The following DISP1 variants were observed in gnomAD, a reference collection of about 807,000 sequenced individuals.
DISP1 encodes dispatched RND transporter family member 1.
A neutral mutation model predicts 37.3 loss-of-function variants in DISP1; 30 were observed. The ratio of observed to expected loss-of-function variants is 0.80; its 90% CI spans 0.60 to 1.09. The LOEUF is 1.09. Among genes scored for constraint, DISP1 ranks in the 50% least tolerant of loss-of-function variants. DISP1 has a pLI of 0.00. For synonymous variants in DISP1, 634 were observed against 690.2 expected (o/e 0.92, Z 1.28); for missense variants, 1,598 against 1,879.5 (o/e 0.85, Z 2.77).
chr1:223,002,893 A>G lies in DISP1; in HGVS notation c.1496A>G (p.Tyr499Cys), dbSNP rs1679572602. ...ATCAAACACAGTTTGTTTCAGGATTATCTTCTAATGGATACTGTGTATCCT... is the reference window on the plus strand; with the variant it reads ...ATCAAACACAGTTTGTTTCAGGATTGTCTTCTAATGGATACTGTGTATCCT... The part of the protein sequence containing the change: ...FGIKHSLFQD[Y>C]LLMDTVYPAI... The change falls in exon 9 of 9, where the codon TAT (tyrosine) becomes TGT (cysteine). Residue 499 changes from tyrosine (Y) to cysteine (C), a missense_variant. Tyr to Cys is a radical substitution (Grantham distance 194). Coordinates refer to ENST00000675850, the MANE Select transcript of DISP1 (RefSeq NM_001377229.1). The G allele has an allele frequency of 1.9e-6, 3 of 1,613,866 alleles. No individual in the cohort carries two copies. The highest frequency in any genetic ancestry group is 1.7e-5 in the Admixed American group (1 of 60,006).
At chr1:222,822,955 C>G (rs773113133) in intron 1 of DISP1, among the ~76,000 whole-genome samples, 2 of 152,182 alleles carry the variant, frequency 1.3e-5, no homozygotes, top group African/African-American at 4.8e-5. Flanking sequence ...ATCTGCTTCT[C>G]TCGTAACTGT....
At chr1:222,972,882 C>G (rs1220643167) in intron 3 of DISP1, among the ~76,000 whole-genome samples, 4 of 151,994 alleles carry the variant, frequency 2.6e-5, no homozygotes, top group Non-Finnish European at 5.9e-5. Context: ...ACTGTGTAGT[C>G]TCTATTTCAA....
chr1:222,966,468 C>T (rs1676500501), intron 3 of DISP1, among the ~76,000 whole-genome samples: 1 of 152,082 alleles, frequency 6.6e-6, no homozygotes, highest in African/African-American at 2.4e-5. Flanking sequence ...ATCTAGGAGT[C>T]ACTCATTAAT....
At chr1:222,942,766 G>T in intron 2 of DISP1, 41 bp from the exon 3 acceptor site, 14 of 1,611,528 alleles carry the variant, frequency 8.7e-6, no homozygotes, top group Non-Finnish European at 1.2e-5. Flanking sequence ...ATATTTGCCT[G>T]CCTGACTGTA....
At chr1:222,942,740 T>A in intron 2 of DISP1, 67 bp from the exon 3 acceptor site, 1 of 1,574,910 alleles carries the variant, frequency 6.3e-7, no homozygotes, top group Non-Finnish European at 8.7e-7. Flanking sequence ...TTAAATATCA[T>A]ACTTGTCTTT....
chr1:222,999,778 G>A (rs573224202), intron 8 of DISP1, among the ~76,000 whole-genome samples: 4 of 152,066 alleles, frequency 2.6e-5, no homozygotes, highest in Non-Finnish European at 4.4e-5. Flanking sequence ...TAAATTCAGC[G>A]TGTTGGCATC....
intron 1 of DISP1, among the ~76,000 whole-genome samples, chr1:222,828,756 T>C (rs1665033601): frequency 6.6e-6 from 1 of 152,176 alleles, no homozygotes; most frequent in African/African-American, 2.4e-5. Flanking sequence ...AACTCACCTC[T>C]CTAGACTTGT....
Position 223,004,115 on chromosome 1 carries a change from T to A in DISP1, c.2718T>A (p.Asp906Glu). ...AAAGGAGTACAGGGTACCATTTGGA[T>A]AGCAAAACCCCAGGGCCGAGGTTTG... Reference protein sequence around the residue: ...ELERSTGYHLDSKTPGPRFDI... With the variant: ...ELERSTGYHLESKTPGPRFDI... The change falls in exon 9 of 9, where the codon GAT becomes GAA. Residue 906 changes from aspartate to glutamate, a missense_variant. Transcript: ENST00000675850. This position sits in a 1 kb window ranked among gnomAD's most constrained non-coding sequence, Gnocchi z 4.9. The A allele has an allele frequency of 6.2e-7, 1 of 1,614,162 alleles. No homozygotes were observed. Among genetic ancestry groups the A allele is most frequent in the South Asian group, 1.1e-5 (1 of 91,076 alleles).
intron 1 of DISP1, among the ~76,000 whole-genome samples, chr1:222,841,136 A>C (rs1232388906): frequency 1.3e-5 from 2 of 152,156 alleles, no homozygotes; most frequent in African/African-American, 2.4e-5. Context: ...TGTATATGCT[A>C]ATTAGTGTAG....
rs1304068574 is a variant in DISP1 at position 223,003,225 on chromosome 1, G to A, written c.1828G>A (p.Val610Ile). ...GCAGCACGCTGCCCTCTCCATGTTC[G>A]TCACCAGTTTTACCACTGCTGCTGC... ...TLQHAALSMF[V>I]TSFTTAAAFY... The change falls in exon 9 of 9, where the codon GTC becomes ATC. Residue 610 changes from valine (V) to isoleucine (I), a missense_variant. Transcript: ENST00000675850. This position sits in a 1 kb window ranked among gnomAD's most constrained non-coding sequence, Gnocchi z 4.3. The A allele has an allele frequency of 9.3e-6, 15 of 1,614,064 alleles. No homozygotes were observed. The highest frequency in any genetic ancestry group is 4.4e-5 in the South Asian group (4 of 91,086).
At chr1:222,868,016 AG>A (rs1206370754) in intron 1 of DISP1, among the ~76,000 whole-genome samples, 2 of 152,174 alleles carry the variant, frequency 1.3e-5, no homozygotes, top group African/African-American at 4.8e-5. Flanking sequence ...CTCTATCAAG[AG>A]GAGGGCGAAT....
intron 1 of DISP1, chr1:222,872,538 C>G (rs1397916254): frequency 1.3e-5 from 2 of 152,022 alleles, no homozygotes; most frequent in African/African-American, 2.4e-5. Context: ...TCCATTTCTT[C>G]TAGATTTTCT....
In DISP1 at chr1:222,819,857, A is replaced by AT. The variant is rs1490296927; in HGVS notation, c.-159+4784dup. Among the ~76,000 whole-genome samples, 3 of 151,014 alleles carry AT rather than the reference A, an allele frequency of 2.0e-5. No individual in the cohort carries two copies. In the East Asian group the frequency reaches 5.8e-4, roughly 29 times the overall value. On this transcript the variant is annotated intron_variant, in intron 1 of 8. Transcript: ENST00000675850. ...CGCCGAGCTAATATGTTGTATATAT[A>AT]TTTTTAATTTAAGGTGTTTAAAATT...
intron 4 of DISP1, 72 bp downstream of exon 4, chr1:222,983,181 C>T (rs1385519405): frequency 1.4e-5 from 17 of 1,178,030 alleles, no homozygotes; most frequent in Admixed American, 1.8e-5. Flanking sequence ...GTATTTTCTC[C>T]GTATTTTGCT....
chr1:222,823,078 T>G (rs1340283499), intron 1 of DISP1, among the ~76,000 whole-genome samples: 1 of 152,190 alleles, frequency 6.6e-6, no homozygotes, highest in Non-Finnish European at 1.5e-5. Flanking sequence ...ACACTGTTGG[T>G]GGGAATATAA....
intron 2 of DISP1, among the ~76,000 whole-genome samples, chr1:222,938,029 A>G (rs555260739): frequency 6.6e-5 from 10 of 152,036 alleles, no homozygotes; most frequent in Non-Finnish European, 1.5e-4. Flanking sequence ...AAACAACACC[A>G]TGCTCAGCTA....
chr1:222,957,054 C>T (rs1022775275), intron 3 of DISP1, among the ~76,000 whole-genome samples: 2 of 148,600 alleles, frequency 1.3e-5, no homozygotes, highest in Non-Finnish European at 3.0e-5. Context: ...TCCTTTTAAC[C>T]AAAGCTTTTT....
At chr1:222,900,171 C>T (rs1157159147) in intron 1 of DISP1, among the ~76,000 whole-genome samples, 1 of 152,082 alleles carries the variant, frequency 6.6e-6, no homozygotes, top group East Asian at 1.9e-4. Context: ...GAATATAGTA[C>T]AGCAGTTATG....
chr1:222,860,439 T>C (rs1391412283), intron 1 of DISP1, among the ~76,000 whole-genome samples: 1 of 152,170 alleles, frequency 6.6e-6, no homozygotes, highest in East Asian at 1.9e-4. Context: ...TTAGCCAACA[T>C]CATGGTGTGC....
Sources: gnomAD v4.1 joint callset for allele counts (sites outside exome capture counted in the v4.1 genomes callset) on GRCh38, gnomAD v4.1.1 for gene constraint, Gnocchi (gnomAD v3.1) non-coding constraint, MANE v1.5 for transcripts, NCBI Gene and HGNC (gene_info 2026-07-23, HGNC 2026-07-21) for gene names.